Variants in PCDHGB1 observed in about 807,000 individuals in gnomAD.
PCDHGB1 encodes the protein protocadherin gamma-B1.
A neutral mutation model predicts 56.6 loss-of-function variants in PCDHGB1; 34 were observed. The observed-to-expected ratio is 0.60, with a 90% confidence interval of 0.46 to 0.80. The LOEUF (loss-of-function observed/expected upper bound fraction) is 0.80. Among genes scored for constraint, PCDHGB1 ranks in the 30% least tolerant of loss-of-function variants. The probability of loss-of-function intolerance (pLI) is 0.00; values close to 1 mark genes in which losing one functional copy is unlikely to be tolerated. For missense variants in PCDHGB1, 1,278 were observed against 1,204.6 expected (o/e 1.06, Z -0.90); for synonymous variants, 561 against 505.9 (o/e 1.11, Z -1.46).
chr5:141,419,785 G>T, intron 1 of PCDHGB1: 2 of 1,614,052 alleles, frequency 1.2e-6, no homozygotes, highest in Non-Finnish European at 1.7e-6. Flanking sequence ...GCCAGCGCCT[G>T]CTAGTCGCTG....
chr5:141,483,648 T>TTGTGTGTGTGTG (rs111458813), intron 1 of PCDHGB1, among the ~76,000 whole-genome samples: 51 of 149,708 alleles, frequency 3.4e-4, no homozygotes, highest in African/African-American at 1.2e-3. Context: ...GGGTGTGTGT[T>TTGTGTGTGTGTG]TGTGTGTGTG....
At chr5:141,452,281 T>G (rs948141174) in intron 1 of PCDHGB1, among the ~76,000 whole-genome samples, 2 of 152,232 alleles carry the variant, frequency 1.3e-5, no homozygotes, top group Non-Finnish European at 2.9e-5. Flanking sequence ...CCTTTCTTAC[T>G]TTCTGATATA....
At chr5:141,466,180 A>T (rs566514149) in intron 1 of PCDHGB1, among the ~76,000 whole-genome samples, 100 of 151,254 alleles carry the variant, frequency 6.6e-4, no homozygotes, top group African/African-American at 2.1e-3. Context: ...TTTTATTTTT[A>T]TTTTTTTTCA....
At chr5:141,381,099 T>C (rs1284355665) in intron 1 of PCDHGB1, among the ~76,000 whole-genome samples, 1 of 152,230 alleles carries the variant, frequency 6.6e-6, no homozygotes, top group East Asian at 1.9e-4. Flanking sequence ...AAACAGAATG[T>C]CCTTCAAAGT....
rs1437533706 is a variant in PCDHGB1, at chr5:141,511,419, G to C, written c.*246G>C. On this transcript the variant is annotated 3_prime_UTR_variant, in exon 4 of 4. Transcript: ENST00000523390. ...ATCCAATCAACTGCTGTACCCATGG[G>C]GGTAGTGGGGTTACTGTAGACACCA... The C allele has an allele frequency of 2.4e-6, 2 of 830,456 alleles. No individual in the cohort carries two copies. The highest frequency in any genetic ancestry group is 5.8e-5 in the East Asian group (2 of 34,260). 51.4% of individuals were successfully genotyped at this position (830,456 alleles called of 1,614,324 possible).
At position 141,354,063 on chromosome 5, in the gene PCDHGB1, C is replaced by T. The variant is rs542635599; in HGVS notation, c.2409+1394C>T. On this transcript the variant is annotated intron_variant, in intron 1 of 3. Transcript: ENST00000523390. The stretch of plus-strand genomic sequence containing the variant: ...GGCACATGCAATGATAATCCATGTT[C>T]GGCTACCAAAACATTTCCTTTTACT... Among the ~76,000 whole-genome samples the T allele has an allele frequency of 3.2e-4, 49 of 152,240 alleles. 1 individual carries two copies. In the South Asian group the frequency reaches 6.6e-3, roughly 21 times the overall value.
rs2734872 is a variant in PCDHGB1 at position 141,474,454 on chromosome 5, C to T, written c.2410-20353C>T. On this transcript the variant is annotated intron_variant, in intron 1 of 3. Transcript: ENST00000523390. ...ACACTTTGAGTAGCAAGTGATTGGG[C>T]TATACTCTTTATTCTAAATTCTAAA... Among the ~76,000 whole-genome samples, 6 of 152,308 alleles carry T rather than the reference C, an allele frequency of 3.9e-5. No individual in the cohort carries two copies. The East Asian group carries it at 1.2e-3, about 29-fold the overall frequency.
At chr5:141,375,842 C>A (rs547807235) in intron 1 of PCDHGB1, 13 of 1,614,122 alleles carry the variant, frequency 8.1e-6, no homozygotes, top group Non-Finnish European at 1.1e-5. Flanking sequence ...GCCCGGCTAC[C>A]TGGTGACCAA....
At chr5:141,414,964 G>C (rs1245472476) in intron 1 of PCDHGB1, 11 of 1,613,874 alleles carry the variant, frequency 6.8e-6, no homozygotes, top group Non-Finnish European at 9.3e-6. Context: ...CAAGGTGGTG[G>C]CGGTGGACAG....
intron 1 of PCDHGB1, among the ~76,000 whole-genome samples, chr5:141,482,899 T>C (rs1238389686): frequency 1.3e-5 from 2 of 152,076 alleles, no homozygotes; most frequent in Non-Finnish European, 2.9e-5. Context: ...TGGTGAAACC[T>C]CATCTCTATT....
intron 1 of PCDHGB1, chr5:141,419,343 A>G: frequency 6.2e-7 from 1 of 1,613,806 alleles, no homozygotes; most frequent in East Asian, 2.2e-5. Flanking sequence ...ATTGCCAGCG[A>G]CCTGGAGTCA....
intron 1 of PCDHGB1, chr5:141,375,224 C>G (rs1771263153): frequency 6.2e-7 from 1 of 1,613,976 alleles, no homozygotes; most frequent in Non-Finnish European, 8.5e-7. Flanking sequence ...CCTGAATGGC[C>G]TGGTAACCTG....
intron 1 of PCDHGB1, among the ~76,000 whole-genome samples, chr5:141,386,454 C>T (rs1377987276): frequency 6.6e-6 from 1 of 152,064 alleles, no homozygotes; most frequent in South Asian, 2.1e-4. Flanking sequence ...GGCAAGAGGA[C>T]AGCTTGAACC....
chr5:141,433,671 A>G (rs1376085577), intron 1 of PCDHGB1, among the ~76,000 whole-genome samples: 12 of 152,058 alleles, frequency 7.9e-5, no homozygotes, highest in Admixed American at 7.2e-4. Flanking sequence ...CCCCGTCTAT[A>G]CTAAAAAAAT....
chr5:141,462,852 T>C (rs1334709435), intron 1 of PCDHGB1, among the ~76,000 whole-genome samples: 1 of 152,202 alleles, frequency 6.6e-6, no homozygotes. Flanking sequence ...TTTTGAGTGT[T>C]TGGATTTTGT....
At chr5:141,480,698 C>T (rs1394538159) in intron 1 of PCDHGB1, among the ~76,000 whole-genome samples, 1 of 152,198 alleles carries the variant, frequency 6.6e-6, no homozygotes, top group Admixed American at 6.5e-5. Context: ...ACCCAGGCCA[C>T]ACCCCGACAA....
rs1441791773 is a variant in PCDHGB1, at chr5:141,486,038, G to A, written c.2410-8769G>A. The A allele has an allele frequency of 1.9e-6, 3 of 1,614,066 alleles. No individual in the cohort carries two copies. The highest frequency in any genetic ancestry group is 1.1e-5 in the South Asian group (1 of 91,088). On this transcript the variant is annotated intron_variant, in intron 1 of 3. Coordinates refer to ENST00000523390, the MANE Select transcript of PCDHGB1 (RefSeq NM_018922.3). The surrounding 1 kb of genome is among the most constrained non-coding windows in gnomAD (Gnocchi z 5.0). ...TTTCAGTGGTCATACCCCTGATCGT[G>A]TAAGAAACCTCTTTAGCCTGCACCC...
At chr5:141,449,251 A>T (rs918418872) in intron 1 of PCDHGB1, among the ~76,000 whole-genome samples, 10 of 152,256 alleles carry the variant, frequency 6.6e-5, no homozygotes, top group Middle Eastern at 3.4e-3. Flanking sequence ...AGTTGCAAGA[A>T]TTGTACAAAG....
At chr5:141,416,186 T>G (rs904230611) in intron 1 of PCDHGB1, 2 of 152,474 alleles carry the variant, frequency 1.3e-5, no homozygotes, top group African/African-American at 4.8e-5. Flanking sequence ...TTCATTAATA[T>G]TGAATTAACA....
Sources: allele counts gnomAD v4.1 joint callset (sites outside exome capture counted in the v4.1 genomes callset), GRCh38; gene constraint gnomAD v4.1.1; non-coding constraint Gnocchi (gnomAD v3.1); transcripts MANE v1.5; gene names NCBI Gene and HGNC (gene_info 2026-07-23, HGNC 2026-07-21).